ENPP2: variants seen among roughly 807,000 people sequenced by gnomAD.
The protein encoded by ENPP2 is autotaxin.
A neutral mutation model predicts 120.2 loss-of-function variants in ENPP2; 51 were observed. That is an observed-to-expected ratio of 0.42 (90% CI 0.34 to 0.54). The LOEUF is 0.54. Among genes scored for constraint, ENPP2 ranks in the 20% least tolerant of loss-of-function variants. The pLI, the probability that ENPP2 is intolerant of heterozygous loss-of-function variation, is 0.04. For missense variants in ENPP2, 920 were observed against 1,066.5 expected, an observed-to-expected ratio of 0.86 and a Z score of 1.91; for synonymous variants, 365 against 366.4, an observed-to-expected ratio of 1.00 and a Z score of 0.04.
intron 8 of ENPP2, among the ~76,000 whole-genome samples, chr8:119,613,752 CAT>C (rs951192473): frequency 3.3e-5 from 5 of 152,052 alleles, no homozygotes; most frequent in African/African-American, 4.8e-5. Context: ...TTATAACTGA[CAT>C]ATAATAATTG....
chr8:119,586,366 C>A (rs537288855), intron 14 of ENPP2, 53 bp from the exon 15 acceptor site: 2 of 1,561,540 alleles, frequency 1.3e-6, no homozygotes, highest in Admixed American at 3.4e-5. Flanking sequence ...TGGAAAAATT[C>A]TTACAAATTC....
At chr8:119,579,967 T>G (rs546178721) in intron 19 of ENPP2, 149 bp downstream of exon 19, 20 of 696,556 alleles carry the variant, frequency 2.9e-5, no homozygotes, top group African/African-American at 2.8e-4. Flanking sequence ...TAAACAAATA[T>G]CCTTTGCCAG....
At chr8:119,625,918 C>T (rs373347324) in intron 3 of ENPP2, among the ~76,000 whole-genome samples, 4 of 152,086 alleles carry the variant, frequency 2.6e-5, no homozygotes, top group East Asian at 1.9e-4. Flanking sequence ...CTACCCAGAG[C>T]GTGAGACTCC....
chr8:119,619,485 T>C (rs760844966), intron 4 of ENPP2, among the ~76,000 whole-genome samples, 181 bp from the exon 5 acceptor site: 4 of 151,562 alleles, frequency 2.6e-5, no homozygotes, highest in Non-Finnish European at 5.9e-5. Flanking sequence ...CACCCATACA[T>C]GATGGGAAAG....
In ENPP2 at chr8:119,619,290, C is replaced by T; in HGVS notation, c.433G>A (p.Val145Ile). The change falls in exon 5 of 25, where the codon GTT (valine) becomes ATT (isoleucine). Residue 145 changes from valine to isoleucine, a missense_variant. Transcript: ENST00000075322. Reference sequence around the variant, plus strand: ...TTTATTTCCTCACAGTCATCATCAACCCAATGCGACTCTCCTATAAGGAAA... The same window carrying T: ...TTTATTTCCTCACAGTCATCATCAATCCAATGCGACTCTCCTATAAGGAAA... ...QVVCKGESHWVDDDCEEIKAA... is the reference protein window; with the variant it reads ...QVVCKGESHWIDDDCEEIKAA... The T allele has an allele frequency of 6.2e-7, 1 of 1,611,312 alleles. No homozygotes were observed. The highest frequency in any genetic ancestry group is 1.1e-5 in the South Asian group (1 of 90,966).
At chr8:119,560,419 T>C (rs1813840303) in intron 24 of ENPP2, among the ~76,000 whole-genome samples, 1 of 152,164 alleles carries the variant, frequency 6.6e-6, no homozygotes, top group Non-Finnish European at 1.5e-5. Flanking sequence ...TGTCTCTCAC[T>C]TGCAGTTTCC....
chr8:119,599,659 G>T (rs1253234700), intron 11 of ENPP2, among the ~76,000 whole-genome samples: 1 of 152,042 alleles, frequency 6.6e-6, no homozygotes, highest in Non-Finnish European at 1.5e-5. Flanking sequence ...AATTATACTG[G>T]ATACTACCTC....
chr8:119,620,723 T>G (rs1815831602), intron 4 of ENPP2, among the ~76,000 whole-genome samples: 1 of 152,212 alleles, frequency 6.6e-6, no homozygotes, highest in South Asian at 2.1e-4. Flanking sequence ...TATTGTTAAT[T>G]GTTGGAATAA....
chr8:119,623,101 T>G (rs528559050), intron 3 of ENPP2, among the ~76,000 whole-genome samples: 1 of 152,312 alleles, frequency 6.6e-6, no homozygotes, highest in South Asian at 2.1e-4. Flanking sequence ...GAAATGATTT[T>G]TAAAGCAATC....
At chr8:119,630,046 G>C (rs949230316) in intron 2 of ENPP2, among the ~76,000 whole-genome samples, 1 of 151,962 alleles carries the variant, frequency 6.6e-6, no homozygotes, top group African/African-American at 2.4e-5. Context: ...GTTCCTGCAT[G>C]CATTTGAAAT....
Position 119,582,439 on chromosome 8 carries a change from A to C in ENPP2, c.1707T>G (p.Cys569Trp). 2 of 1,613,656 alleles carry C rather than the reference A, an allele frequency of 1.2e-6. No homozygotes were observed. The highest frequency in any genetic ancestry group is 1.7e-6 in the Non-Finnish European group (2 of 1,179,838). ...LQSDFDLGCT[C>W]DDKVEPKNKL... ...CTACCTTTGGCTCTACCTTATCATC[A>C]CAAGTGCAGCCCAGGTCAAAATCAG... The change falls in exon 18 of 25, where the codon TGT becomes TGG. Residue 569 changes from cysteine to tryptophan, a missense_variant. Physicochemically the swap from Cys to Trp is radical, Grantham distance 215 (BLOSUM62 -2). Coordinates refer to ENST00000075322, the MANE Select transcript of ENPP2 (RefSeq NM_001040092.3).
intron 2 of ENPP2, among the ~76,000 whole-genome samples, chr8:119,631,988 A>T (rs376002947): frequency 1.1e-4 from 16 of 152,366 alleles, no homozygotes; most frequent in African/African-American, 3.8e-4. Context: ...AGGCTCGCCC[A>T]AGCCATTTAT....
chr8:119,635,616 T>C (rs1225933825), intron 2 of ENPP2, among the ~76,000 whole-genome samples: 1 of 152,250 alleles, frequency 6.6e-6, no homozygotes, highest in Non-Finnish European at 1.5e-5. Context: ...ATCACAGTTA[T>C]GGCTTATATT....
chr8:119,609,325 T>C (rs1563729155), intron 8 of ENPP2, among the ~76,000 whole-genome samples: 1 of 152,154 alleles, frequency 6.6e-6, no homozygotes, highest in Non-Finnish European at 1.5e-5. Context: ...TACAGAGCAC[T>C]CTTCAGTCTG....
At chr8:119,630,664 T>C (rs896508843) in intron 2 of ENPP2, among the ~76,000 whole-genome samples, 1 of 152,192 alleles carries the variant, frequency 6.6e-6, no homozygotes, top group Non-Finnish European at 1.5e-5. Context: ...AATGCCAAGA[T>C]GTATCTCAAA....
intron 2 of ENPP2, among the ~76,000 whole-genome samples, chr8:119,628,741 T>A (rs1431493514): frequency 6.6e-6 from 1 of 152,078 alleles, no homozygotes; most frequent in African/African-American, 2.4e-5. Flanking sequence ...GAAATGAAGA[T>A]AGAAATAAAA....
At chr8:119,665,656 T>C (rs1489701226) in intron 1 of ENPP2, among the ~76,000 whole-genome samples, 3 of 152,198 alleles carry the variant, frequency 2.0e-5, no homozygotes, top group Non-Finnish European at 4.4e-5. Context: ...ATTTCCAAAT[T>C]GGACAAGGCA....
chr8:119,605,604 ACATGTGTCCC>A (rs1814664346), intron 9 of ENPP2, among the ~76,000 whole-genome samples: 1 of 149,378 alleles, frequency 6.7e-6, no homozygotes, highest in Non-Finnish European at 1.5e-5. Context: ...GGGATTACAG[ACATGTGTCCC>A]CATGCCCAGC....
chr8:119,629,622 C>T (rs553541880), intron 2 of ENPP2, among the ~76,000 whole-genome samples: 2 of 152,232 alleles, frequency 1.3e-5, no homozygotes, highest in South Asian at 2.1e-4. Context: ...CATGGTTGCT[C>T]CTAGGATTTT....
Sources: gnomAD v4.1 joint callset for allele counts (sites outside exome capture counted in the v4.1 genomes callset) on GRCh38, gnomAD v4.1.1 for gene constraint, MANE v1.5 for transcripts, NCBI Gene and HGNC (gene_info 2026-07-23, HGNC 2026-07-21) for gene names.